The following PIAS2 variants were observed in gnomAD, a reference collection of about 807,000 sequenced individuals.
The protein encoded by PIAS2 is protein inhibitor of activated STAT 2.
PIAS2 carries 19 observed loss-of-function variants against 69.7 expected under a neutral mutation model. The observed-to-expected ratio is 0.27, with a 90% CI of 0.19 to 0.40. The LOEUF (loss-of-function observed/expected upper bound fraction) is 0.40, where lower values mean the gene tolerates loss of function less well. PIAS2 is among the 10% of genes least tolerant of loss of function. The probability of loss-of-function intolerance (pLI) is 1.00; values close to 1 mark genes in which losing one functional copy is unlikely to be tolerated. For missense variants in PIAS2, 624 were observed against 757.0 expected, an observed-to-expected ratio of 0.82 and a Z score of 2.06; for synonymous variants, 261 against 263.2, an observed-to-expected ratio of 0.99 and a Z score of 0.08.
chr18:46,889,384 C>G (rs532500209), intron 2 of PIAS2, among the ~76,000 whole-genome samples: 1 of 152,148 alleles, frequency 6.6e-6, no homozygotes, highest in South Asian at 2.1e-4. Flanking sequence ...TCCTAAAACT[C>G]AACAACAATA....
At chr18:46,816,783 T>C in intron 12 of PIAS2, 1 of 984,874 alleles carries the variant, frequency 1.0e-6, no homozygotes, top group Non-Finnish European at 1.2e-6. Flanking sequence ...TAATTTTTCA[T>C]TTCATATGTC....
chr18:46,811,694 T>A lies in PIAS2; in HGVS notation c.*739A>T, dbSNP rs1044703065. The A allele has an allele frequency of 3.3e-5, 5 of 152,242 alleles. No homozygotes were observed. The highest frequency in any genetic ancestry group is 1.2e-4 in the African/African-American group (5 of 41,466). The allele number at this position is 152,242 out of a possible 1,614,324, so 9.4% of individuals were successfully genotyped here. On this transcript the variant is annotated 3_prime_UTR_variant, in exon 14 of 14. Coordinates refer to ENST00000585916, the MANE Select transcript of PIAS2 (RefSeq NM_004671.5). ...ACTAAAAACATAATAACACACTTTA[T>A]GTCAGGGCAGAATCTGCATAGTGCT... is the stretch of plus-strand genomic sequence containing the variant.
intron 9 of PIAS2, among the ~76,000 whole-genome samples, chr18:46,830,681 C>T (rs192910664): frequency 1.3e-5 from 2 of 152,234 alleles, no homozygotes; most frequent in East Asian, 3.9e-4. Flanking sequence ...TATTTACACT[C>T]ACTCCAAAAG....
intron 2 of PIAS2, among the ~76,000 whole-genome samples, chr18:46,886,486 C>T (rs193165332): frequency 6.6e-6 from 1 of 152,064 alleles, no homozygotes; most frequent in Non-Finnish European, 1.5e-5. Context: ...AAAAACAAGG[C>T]TAAAGATGAA....
intron 1 of PIAS2, among the ~76,000 whole-genome samples, chr18:46,895,096 T>C (rs1300148787): frequency 6.7e-6 from 1 of 149,460 alleles, no homozygotes; most frequent in Non-Finnish European, 1.5e-5. Context: ...AAAAAATACC[T>C]CATCAAACAG....
At chr18:46,917,685 T>C (rs1192854888), upstream of PIAS2, 4 of 464,656 alleles carry the variant, frequency 8.6e-6, no homozygotes, top group Non-Finnish European at 8.5e-6. Context: ...AGGTCGTGCC[T>C]TCCCTCCCCG....
At chr18:46,855,267 A>C in intron 5 of PIAS2, 78 bp downstream of exon 5, 1 of 832,992 alleles carries the variant, frequency 1.2e-6, no homozygotes, top group South Asian at 1.7e-5. Context: ...TTCAGCTGTC[A>C]CTGTTGCACT....
At chr18:46,827,930 G>T in intron 11 of PIAS2, 29 bp downstream of exon 11, 1 of 1,598,304 alleles carries the variant, frequency 6.3e-7, no homozygotes, top group South Asian at 1.1e-5. Flanking sequence ...CAAGGGTAAT[G>T]AACAATAGTG....
rs2040924872 is a variant in PIAS2 at position 46,810,439 on chromosome 18, G to A, written c.*1994C>T. 1 of 152,074 alleles carries A rather than the reference G, an allele frequency of 6.6e-6. No homozygotes were observed. 9.4% of individuals were successfully genotyped at this position (152,074 alleles called of 1,614,324 possible). Reference sequence around the variant, plus strand: ...TACAGAGTCAATAAATATTGCATCTGTATTTAGAGCAGCAACATAAAACTT... The same window carrying A: ...TACAGAGTCAATAAATATTGCATCTATATTTAGAGCAGCAACATAAAACTT... On this transcript the variant is annotated 3_prime_UTR_variant, in exon 14 of 14. Coordinates refer to ENST00000585916, the MANE Select transcript of PIAS2 (RefSeq NM_004671.5).
At chr18:46,884,718 C>A (rs554756851) in intron 2 of PIAS2, among the ~76,000 whole-genome samples, 396 of 152,106 alleles carry the variant, frequency 2.6e-3, no homozygotes, top group Non-Finnish European at 3.9e-3. Context: ...GAGTTTGAGA[C>A]CAGCCTGACC....
chr18:46,848,024 A>G (rs1168103140), intron 5 of PIAS2, among the ~76,000 whole-genome samples: 1 of 152,226 alleles, frequency 6.6e-6, no homozygotes, highest in African/African-American at 2.4e-5. Context: ...CTATGTATAT[A>G]TGGCAAAGAA....
chr18:46,889,964 T>A (rs1011586332), intron 2 of PIAS2, among the ~76,000 whole-genome samples: 3 of 152,234 alleles, frequency 2.0e-5, no homozygotes, highest in Admixed American at 6.5e-5. Context: ...AGCAAAAGAT[T>A]ACTATTTTTC....
At chr18:46,868,868 G>A (rs2049895938) in intron 2 of PIAS2, among the ~76,000 whole-genome samples, 1 of 152,140 alleles carries the variant, frequency 6.6e-6, no homozygotes, top group Admixed American at 6.5e-5. Flanking sequence ...TCACTGTGGT[G>A]GCCTCAGGGA....
intron 8 of PIAS2, among the ~76,000 whole-genome samples, chr18:46,840,060 C>A (rs754024971): frequency 2.2e-4 from 34 of 151,986 alleles, no homozygotes; most frequent in Non-Finnish European, 3.1e-4. Flanking sequence ...ACTTGGGAGG[C>A]TGAGGCAGGA....
rs2041055414 is a variant in PIAS2 at position 46,812,339 on chromosome 18, ATT to A, written c.*92_*93del. 1 of 737,728 alleles carries A rather than the reference ATT, an allele frequency of 1.4e-6. No individual in the cohort carries two copies. Among genetic ancestry groups the A allele is most frequent in the African/African-American group, 1.8e-5 (1 of 54,138 alleles). 45.7% of individuals were successfully genotyped at this position (737,728 alleles called of 1,614,324 possible). A position where few individuals can be genotyped will look rare whatever the true frequency, so the allele number is the denominator to read the frequency against. ...TCTGACTTTCAATAAATACCAAATT[ATT>A]AAAAAAAAAAAAAAAAGAACGTTTC... On this transcript the variant is annotated 3_prime_UTR_variant, in exon 14 of 14. Transcript: ENST00000585916.
chr18:46,817,007 T>C, intron 12 of PIAS2: 3 of 929,942 alleles, frequency 3.2e-6, no homozygotes, highest in Non-Finnish European at 3.8e-6. Context: ...CTTCAGAGTT[T>C]TGCATTTTCA....
At chr18:46,919,749 T>G (rs1314860178), upstream of PIAS2, among the ~76,000 whole-genome samples, 1 of 152,226 alleles carries the variant, frequency 6.6e-6, no homozygotes, top group Admixed American at 6.5e-5. Context: ...GGCCTTGTAT[T>G]TGTTTAATGA....
intron 8 of PIAS2, among the ~76,000 whole-genome samples, chr18:46,838,322 T>C (rs1185672601): frequency 1.3e-5 from 2 of 152,154 alleles, no homozygotes; most frequent in Non-Finnish European, 2.9e-5. Context: ...AAGGATGGTA[T>C]TATTACCATC....
intron 1 of PIAS2, among the ~76,000 whole-genome samples, chr18:46,895,632 C>T (rs971991818): frequency 2.0e-5 from 3 of 152,098 alleles, no homozygotes; most frequent in Non-Finnish European, 4.4e-5. Context: ...GATCACACTA[C>T]TGCACTCCAG....
Sources: allele counts gnomAD v4.1 joint callset (sites outside exome capture counted in the v4.1 genomes callset), GRCh38; gene constraint gnomAD v4.1.1; transcripts MANE v1.5; gene names NCBI Gene and HGNC (gene_info 2026-07-23, HGNC 2026-07-21).